Variants in DLG1 observed in about 807,000 individuals in gnomAD.
DLG1 encodes the protein discs large MAGUK scaffold protein 1.
In DLG1, 42 loss-of-function variants were observed where a neutral mutation model predicts 123.4. That is an observed-to-expected ratio of 0.34 (90% CI 0.27 to 0.44). The LOEUF is 0.44. Ranked by LOEUF, DLG1 falls within the 20% of genes least tolerant of loss-of-function variation. The pLI is 1.00. For missense variants in DLG1, 942 were observed against 1,082.6 expected, an observed-to-expected ratio of 0.87 and a Z score of 1.82; for synonymous variants, 317 against 356.2, an observed-to-expected ratio of 0.89 and a Z score of 1.24.
At chr3:197,197,562 A>G (rs549398920) in intron 4 of DLG1, among the ~76,000 whole-genome samples, 14 of 152,328 alleles carry the variant, frequency 9.2e-5, no homozygotes, top group African/African-American at 3.4e-4. Context: ...TCCTAAGGTG[A>G]TCAGTTAGGT....
At chr3:197,142,891 G>A in intron 6 of DLG1, 123 bp from the exon 7 acceptor site, 1 of 677,266 alleles carries the variant, frequency 1.5e-6, no homozygotes, top group Non-Finnish European at 2.6e-6. Flanking sequence ...AAACACAATA[G>A]CTTCATTTTA....
At chr3:197,152,285 C>G (rs1577139790) in intron 5 of DLG1, among the ~76,000 whole-genome samples, 1 of 152,088 alleles carries the variant, frequency 6.6e-6, no homozygotes. Context: ...TCACTTGAAC[C>G]AAGGTGCAAT....
At chr3:197,083,849 C>T (rs1339359866) in intron 16 of DLG1, among the ~76,000 whole-genome samples, 1 of 150,822 alleles carries the variant, frequency 6.6e-6, no homozygotes, top group African/African-American at 2.5e-5. Flanking sequence ...TGCAGTGACA[C>T]GCGCCTGGAG....
intron 5 of DLG1, among the ~76,000 whole-genome samples, chr3:197,189,214 T>G (rs996202583): frequency 1.3e-5 from 2 of 152,246 alleles, no homozygotes; most frequent in Non-Finnish European, 2.9e-5. Context: ...ATTGCAGGTT[T>G]CTTTACAAAA....
intron 5 of DLG1, among the ~76,000 whole-genome samples, chr3:197,170,844 T>C (rs908549758): frequency 7.9e-5 from 12 of 152,208 alleles, no homozygotes; most frequent in African/African-American, 2.9e-4. Flanking sequence ...GGTTGTCTTC[T>C]TAGGTTGTCT....
intron 13 of DLG1, among the ~76,000 whole-genome samples, chr3:197,108,210 T>C (rs1165651062): frequency 6.6e-6 from 1 of 152,196 alleles, no homozygotes; most frequent in African/African-American, 2.4e-5. Flanking sequence ...CAGGTTGTTA[T>C]TTTGTTGATT....
intron 11 of DLG1, among the ~76,000 whole-genome samples, chr3:197,129,937 T>A (rs1381024895): frequency 6.6e-6 from 1 of 152,128 alleles, no homozygotes; most frequent in African/African-American, 2.4e-5. Context: ...CACATATTAC[T>A]GTAACAGATA....
At chr3:197,162,585 A>G (rs1447352242) in intron 5 of DLG1, among the ~76,000 whole-genome samples, 1 of 152,178 alleles carries the variant, frequency 6.6e-6, no homozygotes, top group African/African-American at 2.4e-5. Context: ...CTGCCTACCA[A>G]ATTAGTCAAA....
At chr3:197,084,306 A>G (rs1481281815) in intron 16 of DLG1, among the ~76,000 whole-genome samples, 3 of 133,810 alleles carry the variant, frequency 2.2e-5, no homozygotes, top group African/African-American at 8.0e-5. Context: ...TGGAGGCATC[A>G]CTTTTTGTTG....
chr3:197,217,433 A>C lies in DLG1; in HGVS notation c.319-22844T>G, dbSNP rs549650669. Reference sequence around the variant, plus strand: ...ATGTTTTGATTTCAAGTGAAAAAACAAAACCTATTAAAATTTGGAATCAGT... The same window carrying C: ...ATGTTTTGATTTCAAGTGAAAAAACCAAACCTATTAAAATTTGGAATCAGT... On this transcript the variant is annotated intron_variant, in intron 4 of 24. Transcript: ENST00000667157. Among the ~76,000 whole-genome samples, 6 of 152,330 alleles carry C rather than the reference A, an allele frequency of 3.9e-5. No individual in the cohort carries two copies. The East Asian group carries it at 1.2e-3, about 29-fold the overall frequency.
At chr3:197,199,666 C>T (rs1199004918) in intron 4 of DLG1, among the ~76,000 whole-genome samples, 3 of 152,134 alleles carry the variant, frequency 2.0e-5, no homozygotes, top group Non-Finnish European at 4.4e-5. Flanking sequence ...AAGTAGCTTT[C>T]AGGGCCATCA....
intron 11 of DLG1, among the ~76,000 whole-genome samples, chr3:197,124,187 T>C (rs2149473853): frequency 6.6e-6 from 1 of 152,352 alleles, no homozygotes; most frequent in Middle Eastern, 3.4e-3. Flanking sequence ...ACTATCATCG[T>C]GTCACTCCAC....
At chr3:197,098,542 A>G (rs1560646834) in intron 14 of DLG1, among the ~76,000 whole-genome samples, 1 of 152,098 alleles carries the variant, frequency 6.6e-6, no homozygotes, top group Non-Finnish European at 1.5e-5. Flanking sequence ...CTTTGCTTAG[A>G]GTCTTCCCAC....
chr3:197,101,316 G>C (rs1471966876), intron 14 of DLG1, among the ~76,000 whole-genome samples: 1 of 152,266 alleles, frequency 6.6e-6, no homozygotes, highest in African/African-American at 2.4e-5. Context: ...GGAGTTAAAA[G>C]AGTGAATAAA....
At position 197,191,893 on chromosome 3, in the gene DLG1, G is replaced by C. The variant is rs979634402; in HGVS notation, c.483+2532C>G. The stretch of plus-strand genomic sequence containing the variant: ...GAAAATACAATCCAAAAGAAGATAT[G>C]AGCCAGGTGCAGTGGCTCACACCTG... On this transcript the variant is annotated intron_variant, in intron 5 of 24. Coordinates refer to ENST00000667157, the MANE Select transcript of DLG1 (RefSeq NM_001366207.1). Among the ~76,000 whole-genome samples the C allele has an allele frequency of 5.9e-5, 9 of 152,280 alleles. 1 individual carries two copies. The highest frequency in any genetic ancestry group is 1.9e-4 in the African/African-American group (8 of 41,560).
intron 5 of DLG1, among the ~76,000 whole-genome samples, chr3:197,161,241 AAT>A (rs1375025473): frequency 6.6e-6 from 1 of 152,194 alleles, no homozygotes; most frequent in Non-Finnish European, 1.5e-5. Context: ...AAAGAAGATA[AAT>A]ATATAACAGG....
chr3:197,249,221 CAT>C (rs1046377841), intron 4 of DLG1, among the ~76,000 whole-genome samples: 3 of 151,144 alleles, frequency 2.0e-5, no homozygotes, highest in African/African-American at 4.9e-5. Flanking sequence ...AAAAAGAAAA[CAT>C]AACTGAGACC....
At chr3:197,075,739 G>A (rs2148997479) in intron 18 of DLG1, 3 of 1,039,962 alleles carry the variant, frequency 2.9e-6, no homozygotes, top group East Asian at 2.5e-5. Context: ...ACCTCCTTAT[G>A]CCAGAAAGGC....
At chr3:197,235,385 C>T (rs1397112115) in intron 4 of DLG1, among the ~76,000 whole-genome samples, 4 of 152,160 alleles carry the variant, frequency 2.6e-5, no homozygotes, top group Non-Finnish European at 4.4e-5. Context: ...CTAATCAACA[C>T]GTGAACAGCA....
Sources: allele counts gnomAD v4.1 joint callset (sites outside exome capture counted in the v4.1 genomes callset), GRCh38; gene constraint gnomAD v4.1.1; transcripts MANE v1.5; gene names NCBI Gene and HGNC (gene_info 2026-07-23, HGNC 2026-07-21).